Variants in SLC24A2 observed in about 807,000 individuals in gnomAD.
SLC24A2 encodes sodium/potassium/calcium exchanger 2.
Under a neutral mutation model 62.0 loss-of-function variants are expected in SLC24A2, and 36 were observed. The observed-to-expected ratio is 0.58, with a 90% CI of 0.44 to 0.77. The LOEUF (loss-of-function observed/expected upper bound fraction) is 0.77, where lower values mean the gene tolerates loss of function less well. Among genes scored for constraint, SLC24A2 ranks in the 30% least tolerant of loss-of-function variants. SLC24A2 has a pLI of 0.00. For synonymous variants in SLC24A2, 358 were observed against 294.0 expected, an observed-to-expected ratio of 1.22 and a Z score of -2.23; for missense variants, 846 against 817.9, an observed-to-expected ratio of 1.03 and a Z score of -0.42.
chr9:19,749,325 T>A (rs1821919651), intron 2 of SLC24A2, among the ~76,000 whole-genome samples: 1 of 152,100 alleles, frequency 6.6e-6, no homozygotes, highest in Admixed American at 6.6e-5. Flanking sequence ...TTTTTGACCA[T>A]ATTTTTATAT....
chr9:19,991,308 G>T, the SLC24A2 span, among the ~76,000 whole-genome samples: 6 of 152,160 alleles, frequency 3.9e-5, no homozygotes, highest in African/African-American at 1.4e-4. Flanking sequence ...TTCGAGGGCA[G>T]GAAGCATCCA....
At chr9:20,036,212 T>C in the SLC24A2 span, among the ~76,000 whole-genome samples, 1 of 152,222 alleles carries the variant, frequency 6.6e-6, no homozygotes, top group Non-Finnish European at 1.5e-5. Flanking sequence ...TTGACAAATT[T>C]TAGTTGTATA....
chr9:20,037,046 T>C, the SLC24A2 span, among the ~76,000 whole-genome samples: 2 of 151,986 alleles, frequency 1.3e-5, no homozygotes, highest in Non-Finnish European at 2.9e-5. Context: ...CAGGTGACCA[T>C]CACCACATCC....
chr9:20,019,305 AAGAAAG>A, the SLC24A2 span, among the ~76,000 whole-genome samples: 2 of 146,714 alleles, frequency 1.4e-5, no homozygotes. Flanking sequence ...GAAAGAAAGA[AAGAAAG>A]AAAGTGAGTG....
chr9:20,120,530 T>G, the SLC24A2 span, among the ~76,000 whole-genome samples: 2 of 151,936 alleles, frequency 1.3e-5, no homozygotes, highest in African/African-American at 4.8e-5. Flanking sequence ...AAGGGAAAAA[T>G]AGACACTAGG....
chr9:19,970,225 A>G, the SLC24A2 span, among the ~76,000 whole-genome samples: 1 of 152,178 alleles, frequency 6.6e-6, no homozygotes, highest in Non-Finnish European at 1.5e-5. Context: ...AGTGGAAGGG[A>G]ACCCTTTCTG....
the SLC24A2 span, among the ~76,000 whole-genome samples, chr9:19,833,453 C>G: frequency 1.3e-5 from 2 of 152,204 alleles, no homozygotes; most frequent in East Asian, 3.9e-4. Context: ...TCGGAGGGTC[C>G]TATGCCCATG....
the SLC24A2 span, among the ~76,000 whole-genome samples, chr9:20,287,319 G>C: frequency 1.6e-4 from 25 of 152,280 alleles, no homozygotes; most frequent in Middle Eastern, 3.4e-3. Flanking sequence ...ATCTCATTGG[G>C]GAGAGCAAAG....
the SLC24A2 span, among the ~76,000 whole-genome samples, chr9:20,109,610 G>C: frequency 6.6e-6 from 1 of 152,166 alleles, no homozygotes; most frequent in African/African-American, 2.4e-5. Context: ...GTTTCTGGAG[G>C]AATTAAGTGT....
chr9:20,178,726 A>G, the SLC24A2 span, among the ~76,000 whole-genome samples: 4 of 152,156 alleles, frequency 2.6e-5, no homozygotes, highest in Non-Finnish European at 5.9e-5. Flanking sequence ...TTTTTAGTAC[A>G]TGTCTCATAA....
chr9:19,658,259 C>T (rs1382019168), intron 2 of SLC24A2, among the ~76,000 whole-genome samples: 1 of 96,300 alleles, frequency 1.0e-5, no homozygotes, highest in Non-Finnish European at 2.0e-5. Flanking sequence ...ATCTCTACCC[C>T]TCACATTTAC....
At chr9:19,942,524 C>T in the SLC24A2 span, among the ~76,000 whole-genome samples, 1 of 152,166 alleles carries the variant, frequency 6.6e-6, no homozygotes, top group Non-Finnish European at 1.5e-5. Flanking sequence ...TACATTTATA[C>T]TAACTGCAGA....
At chr9:20,123,622 A>T in the SLC24A2 span, among the ~76,000 whole-genome samples, 2 of 152,204 alleles carry the variant, frequency 1.3e-5, no homozygotes, top group African/African-American at 4.8e-5. Flanking sequence ...CAATAGAAAA[A>T]ATAACGTCTG....
chr9:19,626,642 C>A (rs1358801595), intron 2 of SLC24A2, among the ~76,000 whole-genome samples: 1 of 152,026 alleles, frequency 6.6e-6, no homozygotes, highest in Non-Finnish European at 1.5e-5. Context: ...AACAAATATG[C>A]CCATGATTAG....
intron 2 of SLC24A2, among the ~76,000 whole-genome samples, chr9:19,724,203 T>C (rs1339528272): frequency 1.3e-5 from 2 of 152,126 alleles, no homozygotes; most frequent in African/African-American, 4.8e-5. Flanking sequence ...TTTTGGATAA[T>C]TCAGAACTAC....
At chr9:19,767,941 G>A (rs975471365) in intron 2 of SLC24A2, among the ~76,000 whole-genome samples, 24 of 152,166 alleles carry the variant, frequency 1.6e-4, no homozygotes, top group African/African-American at 5.1e-4. Flanking sequence ...TGTTGGTGGG[G>A]ACTGTCTGCA....
the SLC24A2 span, among the ~76,000 whole-genome samples, chr9:20,089,588 G>A: frequency 4.3e-4 from 66 of 152,028 alleles, no homozygotes; most frequent in African/African-American, 1.5e-3. Flanking sequence ...CCTAGCTCAT[G>A]ACCACAGAAC....
chr9:19,680,541 T>A (rs764414522), intron 2 of SLC24A2, among the ~76,000 whole-genome samples: 121 of 151,944 alleles, frequency 8.0e-4, no homozygotes, highest in Non-Finnish European at 1.3e-3. Context: ...TTAAAATGGC[T>A]GTTAACAATA....
the SLC24A2 span, among the ~76,000 whole-genome samples, chr9:19,889,892 G>A: frequency 1.3e-5 from 2 of 152,204 alleles, no homozygotes; most frequent in Non-Finnish European, 2.9e-5. Context: ...TCTATTTAAA[G>A]CATTGTTCTT....
Sources: allele counts gnomAD v4.1 joint callset (sites outside exome capture counted in the v4.1 genomes callset), GRCh38; gene constraint gnomAD v4.1.1; transcripts MANE v1.5; gene names NCBI Gene and HGNC (gene_info 2026-07-23, HGNC 2026-07-21).